Variants in STK4 observed in about 807,000 individuals in gnomAD.
STK4 encodes the protein serine/threonine kinase 4, also known as serine/threonine-protein kinase 4.
A neutral mutation model predicts 64.9 loss-of-function variants in STK4; 30 were observed. The ratio of observed to expected loss-of-function variants is 0.46; its 90% CI spans 0.35 to 0.63. The LOEUF is 0.63. Ranked by LOEUF, STK4 falls within the 20% of genes least tolerant of loss-of-function variation. The pLI is 0.01. For missense variants in STK4, 466 were observed against 598.5 expected (o/e 0.78, Z 2.31); for synonymous variants, 177 against 199.0 (o/e 0.89, Z 0.93).
chr20:44,980,176 T>G (rs1196805959), intron 3 of STK4, among the ~76,000 whole-genome samples: 1 of 152,194 alleles, frequency 6.6e-6, no homozygotes, highest in East Asian at 1.9e-4. Context: ...AAATACTTGA[T>G]AGTAATGGCC....
chr20:45,050,662 A>G (rs2068763545), intron 10 of STK4, among the ~76,000 whole-genome samples: 1 of 152,158 alleles, frequency 6.6e-6, no homozygotes, highest in African/African-American at 2.4e-5. Flanking sequence ...AAGTCAGGTT[A>G]TGAACCTTTT....
In STK4 at chr20:45,075,095, G is replaced by A; in HGVS notation, c.1383G>A (p.Glu461=). 6.2e-7 allele frequency: 1 copy of A among 1,614,212 alleles called. No individual in the cohort carries two copies. Among genetic ancestry groups the A allele is most frequent in the Non-Finnish European group, 8.5e-7 (1 of 1,180,046 alleles). The change falls in exon 11 of 11, where the codon GAG becomes GAA. Residue 461 remains glutamate, a synonymous_variant. Transcript: ENST00000372806. ...CCATGATGGAGCAGGAGATTGAAGAGATCCGGCAGAAGTACCAGTCCAAGC... is the reference window on the plus strand; with the variant it reads ...CCATGATGGAGCAGGAGATTGAAGAAATCCGGCAGAAGTACCAGTCCAAGC... ...LDPMMEQEIE[E]IRQKYQSKRQ... is the part of the protein sequence containing the mutation.
intron 10 of STK4, among the ~76,000 whole-genome samples, chr20:45,068,500 CAGAG>C (rs1406536299): frequency 1.3e-5 from 2 of 152,290 alleles, no homozygotes; most frequent in Non-Finnish European, 2.9e-5. Context: ...AACGGAATCT[CAGAG>C]AGGACAAGTA....
chr20:45,019,603 G>A (rs907112930), intron 9 of STK4, among the ~76,000 whole-genome samples: 1 of 152,154 alleles, frequency 6.6e-6, no homozygotes, highest in Non-Finnish European at 1.5e-5. Context: ...AGAAAAATAG[G>A]CCAGTCTTAG....
intron 10 of STK4, among the ~76,000 whole-genome samples, chr20:45,068,571 G>A (rs749243071): frequency 3.3e-5 from 5 of 152,200 alleles, no homozygotes; most frequent in Non-Finnish European, 5.9e-5. Flanking sequence ...AGGGCCATCT[G>A]ATGTATCTAA....
At position 45,044,534 on chromosome 20, in the gene STK4, G is replaced by C. The variant is rs996143038; in HGVS notation, c.1305+19404G>C. ...CCAGGTAGGGTGGCATGTGCCTGTG[G>C]TCCCAGCTACTCAGGTGGTTGAGGT... On this transcript the variant is annotated intron_variant, in intron 10 of 10. Coordinates refer to ENST00000372806, the MANE Select transcript of STK4 (RefSeq NM_006282.5). 2.0e-5 allele frequency among the ~76,000 whole-genome samples: 3 copies of C among 152,062 alleles called. No homozygotes were observed. In the South Asian group the frequency reaches 6.2e-4, roughly 31 times the overall value.
intron 10 of STK4, among the ~76,000 whole-genome samples, chr20:45,026,475 A>C (rs2068350290): frequency 6.6e-6 from 1 of 152,114 alleles, no homozygotes. Context: ...AAAGATCCTG[A>C]GGCAGGGACT....
intron 10 of STK4, among the ~76,000 whole-genome samples, chr20:45,055,743 T>C (rs1400880416): frequency 6.6e-6 from 1 of 151,834 alleles, no homozygotes; most frequent in Non-Finnish European, 1.5e-5. Flanking sequence ...TTTGTTTTCT[T>C]TTTCCCCGAG....
At position 44,978,465 on chromosome 20, in the gene STK4, G is replaced by A. The variant is rs1362380823; in HGVS notation, c.139G>A (p.Ala47Thr). The stretch of plus-strand genomic sequence containing the variant: ...TAGGTCCTATGGCAGCGTATACAAA[G>A]CTATTCATAAAGAGACCGGCCAGAT... Reference protein sequence around the residue: ...GEGSYGSVYKAIHKETGQIVA... With the variant: ...GEGSYGSVYKTIHKETGQIVA... Residue 47 changes from alanine to threonine, a missense_variant, in exon 3 of 11, where the codon GCT becomes ACT. Ala to Thr is a moderately conservative substitution (Grantham distance 58). Transcript: ENST00000372806. 1.9e-6 allele frequency: 3 copies of A among 1,613,852 alleles called. No individual in the cohort carries two copies. The highest frequency in any genetic ancestry group is 2.2e-5 in the South Asian group (2 of 91,068).
chr20:44,996,054 CTG>C, intron 6 of STK4, among the ~76,000 whole-genome samples: 1 of 152,250 alleles, frequency 6.6e-6, no homozygotes, highest in African/African-American at 2.4e-5. Context: ...AGAAAGCAAA[CTG>C]TATTTTTGAA....
At chr20:45,004,774 CTT>C (rs112356453) in intron 9 of STK4, among the ~76,000 whole-genome samples, 1 of 117,874 alleles carries the variant, frequency 8.5e-6, no homozygotes, top group Non-Finnish European at 1.8e-5. Flanking sequence ...TTTCTTTTTT[CTT>C]TTTTTTTTTT....
intron 2 of STK4, chr20:44,974,020 TATA>T (rs1568679696): frequency 6.6e-6 from 1 of 152,232 alleles, no homozygotes; most frequent in Non-Finnish European, 1.5e-5. Flanking sequence ...ATATCAGAAA[TATA>T]ATGTAAACAA....
At chr20:45,060,080 T>G (rs1367294694) in intron 10 of STK4, among the ~76,000 whole-genome samples, 2 of 152,102 alleles carry the variant, frequency 1.3e-5, no homozygotes, top group Non-Finnish European at 2.9e-5. Context: ...ATATTAGATA[T>G]AGTCTTTAAT....
chr20:44,993,038 T>C (rs984503250), intron 5 of STK4, among the ~76,000 whole-genome samples: 1 of 152,184 alleles, frequency 6.6e-6, no homozygotes, highest in African/African-American at 2.4e-5. Flanking sequence ...CTTTGTTTTT[T>C]ATGTTTAAAA....
chr20:44,972,434 C>A, intron 2 of STK4: 1 of 252,014 alleles, frequency 4.0e-6, no homozygotes, highest in Non-Finnish European at 7.5e-6. Flanking sequence ...GATTAAAATT[C>A]TATAAGAAAC....
chr20:45,039,448 A>C (rs1366215982), intron 10 of STK4, among the ~76,000 whole-genome samples: 1 of 152,076 alleles, frequency 6.6e-6, no homozygotes, highest in Non-Finnish European at 1.5e-5. Flanking sequence ...GAAGGTTTGA[A>C]TTTTATCATC....
intron 2 of STK4, among the ~76,000 whole-genome samples, chr20:44,977,806 T>C (rs1198012951): frequency 6.6e-6 from 1 of 152,206 alleles, no homozygotes; most frequent in Non-Finnish European, 1.5e-5. Context: ...GATACTAATA[T>C]TAAACAGGCT....
At chr20:45,052,478 T>C (rs1978292175) in intron 10 of STK4, among the ~76,000 whole-genome samples, 1 of 152,216 alleles carries the variant, frequency 6.6e-6, no homozygotes, top group South Asian at 2.1e-4. Context: ...CCCATCACAT[T>C]ACATTCTTTT....
intron 10 of STK4, among the ~76,000 whole-genome samples, chr20:45,061,005 T>C (rs1442030242): frequency 1.3e-5 from 2 of 152,070 alleles, no homozygotes; most frequent in African/African-American, 4.8e-5. Context: ...AAGTAAACCT[T>C]GGGGGATAGG....
Sources: gnomAD v4.1 joint callset for allele counts (sites outside exome capture counted in the v4.1 genomes callset) on GRCh38, gnomAD v4.1.1 for gene constraint, MANE v1.5 for transcripts, NCBI Gene and HGNC (gene_info 2026-07-23, HGNC 2026-07-21) for gene names.